DMD: variants seen among roughly 807,000 people sequenced by gnomAD.
DMD encodes the protein dystrophin, also known as mutant dystrophin.
Under a neutral mutation model 330.1 loss-of-function variants are expected in DMD, and 63 were observed. The ratio of observed to expected loss-of-function variants is 0.19; its 90% CI spans 0.16 to 0.24. The LOEUF is 0.24. Ranked by LOEUF, DMD falls within the 10% of genes least tolerant of loss-of-function variation. DMD has a pLI of 1.00. For synonymous variants in DMD, 1,223 were observed against 959.8 expected (o/e 1.27, Z -5.07); for missense variants, 3,344 against 2,684.1 (o/e 1.25, Z -5.43).
intron 1 of DMD, among the ~76,000 whole-genome samples, chrX:33,120,489 G>A (rs1028329296): frequency 9.0e-6 from 1 of 111,451 alleles, no homozygotes; most frequent in Non-Finnish European, 1.9e-5. Flanking sequence ...GATACTGCAT[G>A]GAACTCGGGT....
chrX:32,565,594 C>A lies in DMD; in HGVS notation c.1992+108G>T, dbSNP rs1233159112. ...TGTTTTTATTTAACTAAACACAGGG[C>A]AAAAACTAATCTGGTTGCTTCTTTT... On this transcript the variant is annotated intron_variant, in intron 16 of 78. Transcript: ENST00000357033. 6 of 822,524 alleles carry A rather than the reference C, an allele frequency of 7.3e-6. No homozygotes were observed. The African/African-American group carries it at 1.2e-4, about 17-fold the overall frequency. The allele number at this position is 822,524 out of a possible 1,213,427, so 67.8% of individuals were successfully genotyped here. A position where few individuals can be genotyped will look rare whatever the true frequency, so the allele number is the denominator to read the frequency against.
intron 50 of DMD, among the ~76,000 whole-genome samples, chrX:31,796,478 T>C (rs2091837163): frequency 8.9e-6 from 1 of 112,066 alleles, no homozygotes; most frequent in Admixed American, 9.4e-5. Flanking sequence ...ATAACATCAA[T>C]TTTACATATC....
chrX:32,409,551 G>C, intron 30 of DMD, among the ~76,000 whole-genome samples: 1 of 111,322 alleles, frequency 9.0e-6, no homozygotes, highest in Non-Finnish European at 1.9e-5. Flanking sequence ...AACTAAAGAT[G>C]CTTCGCCCTA....
intron 2 of DMD, among the ~76,000 whole-genome samples, chrX:32,932,881 GCCTCT>G (rs1256880908): frequency 8.9e-6 from 1 of 111,749 alleles, no homozygotes; most frequent in African/African-American, 3.3e-5. Context: ...GGGATTCACA[GCCTCT>G]ATTTTTCCAT....
chrX:31,199,753 G>C (rs889509080), intron 67 of DMD, among the ~76,000 whole-genome samples: 25 of 112,016 alleles, frequency 2.2e-4, no homozygotes, highest in African/African-American at 8.1e-4. Flanking sequence ...AATCAAATCT[G>C]CAATGCAAGG....
intron 60 of DMD, among the ~76,000 whole-genome samples, chrX:31,372,589 G>A (rs1172259200): frequency 8.9e-6 from 1 of 111,776 alleles, no homozygotes; most frequent in South Asian, 3.8e-4. Context: ...CTTAAAAAAT[G>A]TATTTACAAA....
At chrX:32,481,920 G>C (rs2041937974) in intron 21 of DMD, among the ~76,000 whole-genome samples, 1 of 111,738 alleles carries the variant, frequency 8.9e-6, no homozygotes, top group Non-Finnish European at 1.9e-5. Context: ...TAGTGAAAAA[G>C]TGAGCAAGAC....
At chrX:31,816,132 G>A (rs925846038) in intron 50 of DMD, among the ~76,000 whole-genome samples, 2 of 112,181 alleles carry the variant, frequency 1.8e-5, no homozygotes, top group African/African-American at 6.5e-5. Context: ...TAAATCACTC[G>A]TTTTGAACTG....
intron 51 of DMD, among the ~76,000 whole-genome samples, chrX:31,759,019 C>A (rs2089355064): frequency 9.0e-6 from 1 of 111,485 alleles, no homozygotes; most frequent in South Asian, 3.7e-4. Context: ...TACAGTTGAA[C>A]AAACTGTAAT....
At chrX:32,827,660 C>CT (rs5902039) in intron 4 of DMD, among the ~76,000 whole-genome samples, 252 of 72,237 alleles carry the variant, frequency 3.5e-3, no homozygotes, top group Non-Finnish European at 5.1e-3. Context: ...ATTAACTCCC[C>CT]TTTTTTTTTT....
In DMD at chrX:31,679,409, A is replaced by G. The variant is rs1569220368; in HGVS notation, c.7838T>C (p.Val2613Ala). 1.7e-6 allele frequency: 2 copies of G among 1,210,612 alleles called. No homozygotes were observed. The highest frequency in any genetic ancestry group is 2.3e-4 in the Middle Eastern group (1 of 4,354). The change falls in exon 53 of 79, where the codon GTA becomes GCA. Residue 2613 changes from valine (V) to alanine (A), a missense_variant. Coordinates refer to ENST00000357033, the MANE Select transcript of DMD (RefSeq NM_004006.3). ...LESWKEGPYT[V>A]DAIQKKITET... ...TGTGATTTTCTTTTGGATTGCATCT[A>G]CTGTATAGGGACCCTCCTTCCATGA...
At chrX:31,532,091 T>C (rs1260266350) in intron 55 of DMD, among the ~76,000 whole-genome samples, 5 of 90,651 alleles carry the variant, frequency 5.5e-5, no homozygotes, top group Admixed American at 1.4e-4. Context: ...ACTTCCCCAA[T>C]CTAGTAAGGC....
At chrX:33,332,735 T>C (rs1484994443) in intron 1 of DMD, among the ~76,000 whole-genome samples, 3 of 111,666 alleles carry the variant, frequency 2.7e-5, no homozygotes, top group Non-Finnish European at 5.7e-5. Context: ...AAATCAAATA[T>C]TTTTAAACTT....
chrX:32,935,765 A>G (rs938314909), intron 2 of DMD, among the ~76,000 whole-genome samples: 12 of 111,459 alleles, frequency 1.1e-4, no homozygotes, highest in Admixed American at 2.9e-4. Flanking sequence ...TCCCCCTTAG[A>G]CAACCGGTAA....
At chrX:31,576,111 T>C (rs1243476138) in intron 55 of DMD, among the ~76,000 whole-genome samples, 1 of 112,180 alleles carries the variant, frequency 8.9e-6, no homozygotes, top group Non-Finnish European at 1.9e-5. Context: ...CTTCTCCCAA[T>C]GATAGCATTT....
chrX:32,545,865 C>A (rs1395652517), intron 16 of DMD, among the ~76,000 whole-genome samples: 2 of 110,479 alleles, frequency 1.8e-5, no homozygotes, highest in African/African-American at 6.6e-5. Flanking sequence ...AGTGAAACAG[C>A]TTTTAAAATT....
chrX:33,297,411 CA>C (rs1294422422), intron 1 of DMD, among the ~76,000 whole-genome samples: 1 of 108,651 alleles, frequency 9.2e-6, no homozygotes, highest in Non-Finnish European at 1.9e-5. Flanking sequence ...ACAGCCATTA[CA>C]AAAAAAATAG....
intron 47 of DMD, among the ~76,000 whole-genome samples, chrX:31,905,560 T>C (rs2149834062): frequency 9.2e-6 from 1 of 108,791 alleles, no homozygotes; most frequent in South Asian, 4.0e-4. Flanking sequence ...ACATAATTGG[T>C]AGCAAAAGAT....
chrX:31,341,102 C>T (rs1484751658), intron 61 of DMD, among the ~76,000 whole-genome samples: 1 of 112,002 alleles, frequency 8.9e-6, no homozygotes, highest in Non-Finnish European at 1.9e-5. Flanking sequence ...TTGACTCTAA[C>T]AGGCATGCAT....
Sources: gnomAD v4.1 joint callset for allele counts (sites outside exome capture counted in the v4.1 genomes callset) on GRCh38, gnomAD v4.1.1 for gene constraint, MANE v1.5 for transcripts, NCBI Gene and HGNC (gene_info 2026-07-23, HGNC 2026-07-21) for gene names.